Variants in DMD observed in about 807,000 individuals in gnomAD.
DMD encodes mutant dystrophin.
A neutral mutation model predicts 330.1 loss-of-function variants in DMD; 63 were observed. That is an observed-to-expected ratio of 0.19 (90% CI 0.16 to 0.24). The LOEUF (loss-of-function observed/expected upper bound fraction) is 0.24, where lower values mean the gene tolerates loss of function less well. Among genes scored for constraint, DMD ranks in the 10% least tolerant of loss-of-function variants. DMD has a pLI of 1.00. For synonymous variants in DMD, 1,223 were observed against 959.8 expected (o/e 1.27, Z -5.07); for missense variants, 3,344 against 2,684.1 (o/e 1.25, Z -5.43).
intron 7 of DMD, among the ~76,000 whole-genome samples, chrX:32,784,135 A>C (rs151293864): frequency 1.4e-3 from 160 of 111,407 alleles, no homozygotes; most frequent in African/African-American, 4.9e-3. Context: ...GTTCCTATTA[A>C]ATCGTTTTCT....
chrX:31,934,831 C>A lies in DMD; in HGVS notation c.6615-2604G>T, dbSNP rs774634916. Among the ~76,000 whole-genome samples the A allele has an allele frequency of 3.6e-5, 4 of 112,196 alleles. No homozygotes were observed. In the East Asian group the frequency reaches 8.4e-4, roughly 24 times the overall value. ...TGGCAGAGAAAACACGGTAAACTAA[C>A]TTTTGAACTAATAATTAACATTTCA... is the stretch of plus-strand genomic sequence containing the variant. On this transcript the variant is annotated intron_variant, in intron 45 of 78. Coordinates refer to ENST00000357033, the MANE Select transcript of DMD (RefSeq NM_004006.3).
At chrX:31,603,288 T>G (rs1339804700) in intron 55 of DMD, among the ~76,000 whole-genome samples, 1 of 111,615 alleles carries the variant, frequency 9.0e-6, no homozygotes. Context: ...TTTTTTTGGT[T>G]GTTTATTGTG....
At chrX:31,825,168 C>G (rs1325555967) in intron 49 of DMD, among the ~76,000 whole-genome samples, 8 of 111,451 alleles carry the variant, frequency 7.2e-5, no homozygotes, top group Non-Finnish European at 1.3e-4. Context: ...GTTTCTGTAA[C>G]CCTACAAAGA....
intron 1 of DMD, among the ~76,000 whole-genome samples, chrX:33,304,423 G>T (rs2053720105): frequency 9.0e-6 from 1 of 110,930 alleles, no homozygotes; most frequent in Admixed American, 9.6e-5. Flanking sequence ...ATTCAAGATG[G>T]ATTAAAGACT....
At chrX:32,550,036 G>A (rs1483861065) in intron 16 of DMD, among the ~76,000 whole-genome samples, 1 of 111,705 alleles carries the variant, frequency 9.0e-6, no homozygotes, top group Non-Finnish European at 1.9e-5. Flanking sequence ...GTCCTTGTAC[G>A]AACGCCGTGG....
chrX:31,958,579 A>G (rs1295003617), intron 45 of DMD, among the ~76,000 whole-genome samples: 2 of 111,859 alleles, frequency 1.8e-5, no homozygotes, highest in Non-Finnish European at 3.8e-5. Context: ...TGTCACCACT[A>G]GTGCTCATCT....
chrX:32,588,939 G>A (rs2054583990), intron 13 of DMD, among the ~76,000 whole-genome samples: 2 of 111,471 alleles, frequency 1.8e-5, no homozygotes, highest in South Asian at 7.6e-4. Context: ...GCAATGTACA[G>A]TGAGGTAAGT....
At chrX:32,803,893 A>G (rs752931620) in intron 7 of DMD, among the ~76,000 whole-genome samples, 95 of 112,140 alleles carry the variant, frequency 8.5e-4, no homozygotes, top group Non-Finnish European at 1.4e-3. Flanking sequence ...CAATTTTAGA[A>G]TAAGTGCAAT....
intron 61 of DMD, among the ~76,000 whole-genome samples, chrX:31,323,948 G>A (rs944265390): frequency 1.7e-4 from 18 of 108,691 alleles, no homozygotes; most frequent in Non-Finnish European, 2.7e-4. Flanking sequence ...GACTGACGGG[G>A]TTTCTTGTAT....
At chrX:33,192,244 T>G (rs2050694127) in intron 1 of DMD, among the ~76,000 whole-genome samples, 1 of 112,062 alleles carries the variant, frequency 8.9e-6, no homozygotes, top group Admixed American at 9.6e-5. Flanking sequence ...AACAGTCATG[T>G]TTTATTTTAC....
At chrX:32,757,679 T>A (rs779889561) in intron 7 of DMD, among the ~76,000 whole-genome samples, 10 of 111,764 alleles carry the variant, frequency 8.9e-5, no homozygotes, top group African/African-American at 3.2e-4. Flanking sequence ...TGCTGCTCAT[T>A]TGCCCTCCAC....
At chrX:31,185,996 G>C (rs1345322294) in intron 67 of DMD, among the ~76,000 whole-genome samples, 1 of 111,950 alleles carries the variant, frequency 8.9e-6, no homozygotes, top group Non-Finnish European at 1.9e-5. Flanking sequence ...GCAAAGCCAA[G>C]TTGCTTCTCT....
At chrX:33,041,467 A>T (rs1259387876) in intron 1 of DMD, 127 of 1,203,819 alleles carry the variant, frequency 1.1e-4, no homozygotes, top group Non-Finnish European at 3.0e-5. Flanking sequence ...ATAAAAAGTG[A>T]TGTATGAAAA....
At chrX:33,043,277 T>C (rs1281825050) in intron 1 of DMD, among the ~76,000 whole-genome samples, 4 of 111,470 alleles carry the variant, frequency 3.6e-5, no homozygotes, top group Non-Finnish European at 3.8e-5. Context: ...AATAAAATAA[T>C]ATGAACAAAA....
At chrX:31,899,168 T>G (rs2094389004) in intron 47 of DMD, among the ~76,000 whole-genome samples, 1 of 111,851 alleles carries the variant, frequency 8.9e-6, no homozygotes, top group African/African-American at 3.2e-5. Context: ...GATATGACCT[T>G]GGCATAGGCA....
intron 18 of DMD, among the ~76,000 whole-genome samples, chrX:32,505,034 G>A (rs1377241025): frequency 8.9e-6 from 1 of 112,057 alleles, no homozygotes; most frequent in Non-Finnish European, 1.9e-5. Context: ...ATCAATCACA[G>A]ACTCTAGAGT....
chrX:32,753,261 T>C (rs951437474), intron 7 of DMD, among the ~76,000 whole-genome samples: 1 of 112,082 alleles, frequency 8.9e-6, no homozygotes, highest in Non-Finnish European at 1.9e-5. Flanking sequence ...AAAATTAAAC[T>C]ATTATACAAT....
chrX:33,233,646 G>A (rs1366436358), intron 1 of DMD, among the ~76,000 whole-genome samples: 1 of 111,778 alleles, frequency 8.9e-6, no homozygotes, highest in African/African-American at 3.3e-5. Context: ...GTTAGGCATG[G>A]GACAGGGTGA....
At chrX:31,757,505 T>G (rs1334580707) in intron 51 of DMD, among the ~76,000 whole-genome samples, 1 of 111,323 alleles carries the variant, frequency 9.0e-6, no homozygotes, top group Non-Finnish European at 1.9e-5. Context: ...ACAACAGAAT[T>G]TATTGCTTAT....
Sources: gnomAD v4.1 joint callset for allele counts (sites outside exome capture counted in the v4.1 genomes callset) on GRCh38, gnomAD v4.1.1 for gene constraint, MANE v1.5 for transcripts, NCBI Gene and HGNC (gene_info 2026-07-23, HGNC 2026-07-21) for gene names.